The following KATNB1 variants were observed in gnomAD, a reference collection of about 807,000 sequenced individuals.
The protein encoded by KATNB1 is katanin regulatory subunit B1, also known as katanin p80 WD40 repeat-containing subunit B1.
In KATNB1, 38 loss-of-function variants were observed where a neutral mutation model predicts 82.3. The observed-to-expected ratio is 0.46, with a 90% CI of 0.36 to 0.61. The LOEUF (loss-of-function observed/expected upper bound fraction) is 0.61, where lower values mean the gene tolerates loss of function less well. KATNB1 is among the 20% of genes least tolerant of loss of function. The pLI is 0.00. For missense variants in KATNB1, 749 were observed against 915.7 expected, an observed-to-expected ratio of 0.82 and a Z score of 2.35; for synonymous variants, 361 against 368.7, an observed-to-expected ratio of 0.98 and a Z score of 0.24.
At chr16:57,755,071 C>T in intron 14 of KATNB1, 48 bp from the exon 15 acceptor site, 1 of 1,613,210 alleles carries the variant, frequency 6.2e-7, no homozygotes, top group Non-Finnish European at 8.5e-7. Context: ...CCTCGGGAGG[C>T]AGAGAGGGAG....
chr16:57,748,587 G>A (rs1306018150), intron 4 of KATNB1, among the ~76,000 whole-genome samples: 5 of 152,084 alleles, frequency 3.3e-5, no homozygotes, highest in Non-Finnish European at 5.9e-5. Flanking sequence ...GAGGCGTTGG[G>A]GGTTCCTGTG....
At chr16:57,747,971 C>T (rs540260957) in intron 4 of KATNB1, among the ~76,000 whole-genome samples, 1 of 152,164 alleles carries the variant, frequency 6.6e-6, no homozygotes, top group African/African-American at 2.4e-5. Context: ...GAACTCACGG[C>T]CCAGACTCCA....
At chr16:57,744,203 C>CT (rs1173180679) in intron 3 of KATNB1, among the ~76,000 whole-genome samples, 191 bp from the exon 4 acceptor site, 5 of 152,146 alleles carry the variant, frequency 3.3e-5, no homozygotes, top group African/African-American at 1.2e-4. Context: ...ACTCTTAGCC[C>CT]TGGGAGCTGA....
intron 14 of KATNB1, 54 bp from the exon 15 acceptor site, chr16:57,755,065 G>T: frequency 6.2e-7 from 1 of 1,613,178 alleles, no homozygotes; most frequent in Non-Finnish European, 8.5e-7. Flanking sequence ...GGGGTGCCTC[G>T]GGAGGCAGAG....
chr16:57,740,030 G>A (rs572708980), intron 2 of KATNB1, among the ~76,000 whole-genome samples: 10 of 152,192 alleles, frequency 6.6e-5, no homozygotes, highest in Non-Finnish European at 1.2e-4. Context: ...GCTCGGGCAC[G>A]GAATGCCAGG....
chr16:57,756,362 C>G lies in KATNB1; in HGVS notation c.1725C>G (p.Val575=), dbSNP rs782661227. 6.2e-7 allele frequency: 1 copy of G among 1,613,762 alleles called. No homozygotes were observed. The highest frequency in any genetic ancestry group is 2.2e-5 in the East Asian group (1 of 44,892). ...CATCCATCTCCCCCTAAAGCTACGT[C>G]CAGACGGGCTGCACCTCCCTGAAGC... The part of the protein sequence containing the change: ...KLLQSKYESY[V]QTGCTSLKLI... Residue 575 remains valine (V), a synonymous_variant, in exon 19 of 20, where the codon GTC becomes GTG. Transcript: ENST00000379661.
At chr16:57,754,176 G>C (rs1412004051) in intron 13 of KATNB1, among the ~76,000 whole-genome samples, 181 bp downstream of exon 13, 4 of 152,246 alleles carry the variant, frequency 2.6e-5, no homozygotes, top group South Asian at 2.1e-4. Flanking sequence ...CTGCAAGACC[G>C]ATAGTGCCCC....
At chr16:57,736,437 C>A (rs1334446443) in intron 1 of KATNB1, among the ~76,000 whole-genome samples, 1 of 152,126 alleles carries the variant, frequency 6.6e-6, no homozygotes, top group African/African-American at 2.4e-5. Flanking sequence ...GCCACTTACG[C>A]CCAGACTGGA....
In KATNB1 at chr16:57,753,550, G is replaced by A. The variant is rs533581487; in HGVS notation, c.1177+31G>A. 276 of 1,608,156 alleles carry A rather than the reference G, an allele frequency of 1.7e-4. 1 individual carries two copies. The South Asian group carries it at 2.4e-3, about 14-fold the overall frequency. ...GCCGGGCTCCCGCCCCCAGCCCAGC[G>A]TCCCCATCGGTGAAAGGGAGGCTGG... On this transcript the variant is annotated intron_variant, in intron 12 of 19. Transcript: ENST00000379661.
chr16:57,737,191 G>C lies in KATNB1; in HGVS notation c.-53G>C. ...GGGGGGATCCACCCCCACCCCACGA[G>C]GAAAGCACAGTTTATTTTGTGGGTG... On this transcript the variant is annotated 5_prime_UTR_variant, in exon 2 of 20. Coordinates refer to ENST00000379661, the MANE Select transcript of KATNB1 (RefSeq NM_005886.3). 1.2e-6 allele frequency: 2 copies of C among 1,610,138 alleles called. No homozygotes were observed. The highest frequency in any genetic ancestry group is 2.2e-5 in the South Asian group (2 of 90,770).
chr16:57,751,872 T>C lies in KATNB1; in HGVS notation c.517-68T>C, dbSNP rs1294440908. 10 of 1,436,656 alleles carry C rather than the reference T, an allele frequency of 7.0e-6. No individual in the cohort carries two copies. In the East Asian group the frequency reaches 2.3e-4, roughly 33 times the overall value. The allele number at this position is 1,436,656 out of a possible 1,614,324, so 89.0% of individuals were successfully genotyped here. ...TAGCTTGTGGATAAAGAGCTTGGCCTGGATTAGAGGGAGGGTGGGCAGCCA... is the reference window on the plus strand; with the variant it reads ...TAGCTTGTGGATAAAGAGCTTGGCCCGGATTAGAGGGAGGGTGGGCAGCCA... On this transcript the variant is annotated intron_variant, in intron 7 of 19. Coordinates refer to ENST00000379661, the MANE Select transcript of KATNB1 (RefSeq NM_005886.3). The surrounding 1 kb of genome is among the most constrained non-coding windows in gnomAD (Gnocchi z 6.3).
chr16:57,756,811 C>G lies in KATNB1; in HGVS notation c.1836-3C>G. 6.4e-7 allele frequency: 1 copy of G among 1,560,930 alleles called. No homozygotes were observed. On this transcript the variant is annotated splice_polypyrimidine_tract_variant and splice_region_variant and intron_variant, in intron 19 of 19. Coordinates refer to ENST00000379661, the MANE Select transcript of KATNB1 (RefSeq NM_005886.3). ...AGCCCCTCAGGCACTGCCCTCTCTA[C>G]AGGCTGCATAAGTGCCGGCTCTGCT...
chr16:57,755,249 G>A lies in KATNB1; in HGVS notation c.1416+11G>A. On this transcript the variant is annotated intron_variant, in intron 15 of 19. Transcript: ENST00000379661. Reference sequence around the variant, plus strand: ...TCCGACTTCCTGCCCGTGAGTAGGAGCCCAGCTCGAGGCATGGGTGGAGGT... The same window carrying A: ...TCCGACTTCCTGCCCGTGAGTAGGAACCCAGCTCGAGGCATGGGTGGAGGT... 1.9e-6 allele frequency: 3 copies of A among 1,610,622 alleles called. No homozygotes were observed. Among genetic ancestry groups the A allele is most frequent in the Non-Finnish European group, 2.5e-6 (3 of 1,179,964 alleles).
At chr16:57,735,921 G>C (rs1168578777) in intron 1 of KATNB1, 66 bp downstream of exon 1, 1 of 152,340 alleles carries the variant, frequency 6.6e-6, no homozygotes, top group Non-Finnish European at 1.5e-5. Flanking sequence ...GAGCCAGGCG[G>C]GGCTGGCTGG....
chr16:57,740,706 C>T (rs1222234091), intron 2 of KATNB1, among the ~76,000 whole-genome samples: 3 of 152,184 alleles, frequency 2.0e-5, no homozygotes, highest in Non-Finnish European at 2.9e-5. Context: ...CGGAGTCCTC[C>T]GAGGCTCCTG....
At position 57,755,137 on chromosome 16, in the gene KATNB1, C is replaced by T. The variant is rs1555585261; in HGVS notation, c.1315C>T (p.Pro439Ser). Residue 439 changes from proline to serine, a missense_variant, in exon 15 of 20, where the codon CCC (proline) becomes TCC (serine). Around this residue, in one of 3 missense-constraint regions of KATNB1, gnomAD observed 407 missense variants for 434.7 expected, o/e 0.94. Coordinates refer to ENST00000379661, the MANE Select transcript of KATNB1 (RefSeq NM_005886.3). The stretch of plus-strand genomic sequence containing the variant: ...CTTTCAGCTGGAGGTCCTGCCCCGG[C>T]CCCCAGTGGTTGCTTCCACACCTGC... ...PVPNLEVLPR[P>S]PVVASTPAPK... The T allele has an allele frequency of 6.2e-7, 1 of 1,612,692 alleles. No individual in the cohort carries two copies. Among genetic ancestry groups the T allele is most frequent in the Admixed American group, 1.7e-5 (1 of 60,018 alleles).
chr16:57,753,506 C>A lies in KATNB1; in HGVS notation c.1164C>A (p.Pro388=). The change falls in exon 12 of 20, where the codon CCC becomes CCA. Residue 388 remains proline, a synonymous_variant. Transcript: ENST00000379661. The stretch of plus-strand genomic sequence containing the variant: ...AGGACTACAACGAGATCTTCCAGCC[C>A]AAGAACAGCATCAGTGAGGCCGGGC... ...NAEDYNEIFQ[P]KNSISRTPPR... The A allele has an allele frequency of 6.2e-7, 1 of 1,613,104 alleles. No individual in the cohort carries two copies. The highest frequency in any genetic ancestry group is 1.1e-5 in the South Asian group (1 of 91,080).
intron 18 of KATNB1, 137 bp from the exon 19 acceptor site, chr16:57,756,219 T>G: frequency 1.8e-6 from 2 of 1,129,024 alleles, no homozygotes; most frequent in South Asian, 2.7e-5. Context: ...GAGGTGGGAG[T>G]GGAAACAGGC....
rs371315290 is a variant in KATNB1 at position 57,750,854 on chromosome 16, C to T, written c.317C>T (p.Ala106Val). The T allele has an allele frequency of 1.9e-6, 3 of 1,614,078 alleles. No individual in the cohort carries two copies. The African/African-American group carries it at 4.0e-5, about 22-fold the overall frequency. ...KILRTLMGHKANICSLDFHPY... is the reference protein window; with the variant it reads ...KILRTLMGHKVNICSLDFHPY... ...CTTCGCACACTCATGGGACACAAAG[C>T]CAACATCTGCAGCCTGGATTTCCAC... The change falls in exon 5 of 20, where the codon GCC (alanine) becomes GTC (valine). Residue 106 changes from alanine (A) to valine (V), a missense_variant. Physicochemically the swap from Ala to Val is moderately conservative, Grantham distance 64. Transcript: ENST00000379661.
Sources: gnomAD v4.1 joint callset for allele counts (sites outside exome capture counted in the v4.1 genomes callset) on GRCh38, gnomAD v4.1.1 for gene constraint, gnomAD v4.1.1 regional missense constraint, Gnocchi (gnomAD v3.1) non-coding constraint, MANE v1.5 for transcripts, NCBI Gene and HGNC (gene_info 2026-07-23, HGNC 2026-07-21) for gene names.